The following THSD7A variants were observed in gnomAD, a reference collection of about 807,000 sequenced individuals.
THSD7A encodes thrombospondin type-1 domain-containing protein 7A.
THSD7A carries 96 observed loss-of-function variants against 231.3 expected under a neutral mutation model. That is an observed-to-expected ratio of 0.41 (90% CI 0.35 to 0.49). THSD7A has a LOEUF of 0.49. Ranked by LOEUF, THSD7A falls within the 20% of genes least tolerant of loss-of-function variation. The pLI, the probability that THSD7A is intolerant of heterozygous loss-of-function variation, is 0.05. For missense variants in THSD7A, 2,290 were observed against 2,070.2 expected (o/e 1.11, Z -2.06); for synonymous variants, 940 against 743.3 (o/e 1.26, Z -4.30).
At chr7:11,624,946 A>C (rs1781432108) in intron 2 of THSD7A, among the ~76,000 whole-genome samples, 1 of 152,140 alleles carries the variant, frequency 6.6e-6, no homozygotes, top group Non-Finnish European at 1.5e-5. Flanking sequence ...ATGCCAGAGA[A>C]GTATATTTTT....
intron 1 of THSD7A, among the ~76,000 whole-genome samples, chr7:11,752,246 G>A (rs1414246173): frequency 2.0e-5 from 3 of 151,996 alleles, no homozygotes; most frequent in Non-Finnish European, 4.4e-5. Context: ...TGTTTTCAGG[G>A]TCGAGGAGTT....
chr7:11,616,652 GT>G (rs912363132), intron 2 of THSD7A, among the ~76,000 whole-genome samples: 1 of 152,110 alleles, frequency 6.6e-6, no homozygotes, highest in Non-Finnish European at 1.5e-5. Context: ...TTGGTTCCTT[GT>G]GTTCTCCTGT....
intron 2 of THSD7A, among the ~76,000 whole-genome samples, chr7:11,635,261 A>AT (rs58682174): frequency 3.3e-5 from 5 of 151,990 alleles, no homozygotes; most frequent in African/African-American, 1.2e-4. Flanking sequence ...ATGTTACTAT[A>AT]TTTTTTTCAG....
Position 11,430,637 on chromosome 7 carries a change from CAT to C in THSD7A, c.3065-1514_3065-1513del, listed in dbSNP as rs138122814. On this transcript the variant is annotated intron_variant, in intron 13 of 27. Coordinates refer to ENST00000423059, the MANE Select transcript of THSD7A (RefSeq NM_015204.3). ...CCCACCACCATGCCAGGCGAATTTT[CAT>C]ATATATATATATTTTATAGAGATGA... Among the ~76,000 whole-genome samples the C allele has an allele frequency of 2.8e-3, 423 of 151,080 alleles. 7 individuals carry two copies. The highest frequency in any genetic ancestry group is 0.011 in the South Asian group (53 of 4,766).
At chr7:11,655,452 A>G (rs1782668560) in intron 1 of THSD7A, among the ~76,000 whole-genome samples, 1 of 151,756 alleles carries the variant, frequency 6.6e-6, no homozygotes, top group South Asian at 2.1e-4. Flanking sequence ...TAAGAATTCT[A>G]ATCTAACCCC....
intron 1 of THSD7A, among the ~76,000 whole-genome samples, chr7:11,804,600 T>A (rs890882642): frequency 6.6e-6 from 1 of 152,318 alleles, no homozygotes; most frequent in African/African-American, 2.4e-5. Flanking sequence ...ATGGGTTACA[T>A]TGACCAACCT....
chr7:11,788,402 A>G (rs945618774), intron 1 of THSD7A, among the ~76,000 whole-genome samples: 2 of 151,946 alleles, frequency 1.3e-5, no homozygotes, highest in African/African-American at 4.8e-5. Flanking sequence ...TCCCAGGTTT[A>G]TATTTCTGAG....
chr7:11,677,093 A>G (rs181747206), intron 1 of THSD7A, among the ~76,000 whole-genome samples: 90 of 152,214 alleles, frequency 5.9e-4, no homozygotes, highest in Non-Finnish European at 1.1e-3. Context: ...ACAAGCTAGA[A>G]GAGAGTGGAG....
chr7:11,667,793 T>C (rs112355747), intron 1 of THSD7A, among the ~76,000 whole-genome samples: 2 of 152,134 alleles, frequency 1.3e-5, no homozygotes, highest in Non-Finnish European at 2.9e-5. Context: ...TTAACAAAGC[T>C]GTATAAAGGA....
intron 1 of THSD7A, among the ~76,000 whole-genome samples, chr7:11,828,327 G>A (rs1267345085): frequency 1.3e-5 from 2 of 152,124 alleles, no homozygotes; most frequent in Non-Finnish European, 2.9e-5. Flanking sequence ...AAGCTGCTGT[G>A]CCTTTTCACT....
At chr7:11,799,687 G>T (rs541452469) in intron 1 of THSD7A, among the ~76,000 whole-genome samples, 1 of 152,140 alleles carries the variant, frequency 6.6e-6, no homozygotes, top group South Asian at 2.1e-4. Flanking sequence ...CATATTTTGG[G>T]TTTTTTCTCT....
At chr7:11,390,752 T>C (rs535970919) in intron 23 of THSD7A, among the ~76,000 whole-genome samples, 1 of 152,356 alleles carries the variant, frequency 6.6e-6, no homozygotes, top group African/African-American at 2.4e-5. Context: ...GTGTTTGATT[T>C]TGGTGACCTT....
chr7:11,487,956 G>A (rs1399038614), intron 6 of THSD7A, among the ~76,000 whole-genome samples: 1 of 152,030 alleles, frequency 6.6e-6, no homozygotes, highest in African/African-American at 2.4e-5. Flanking sequence ...ATAGAAATGT[G>A]CAACTTTTAT....
rs1157225096 is a variant in THSD7A, at chr7:11,525,106, T to C, written c.1822+16313A>G. On this transcript the variant is annotated intron_variant, in intron 6 of 27. Coordinates refer to ENST00000423059, the MANE Select transcript of THSD7A (RefSeq NM_015204.3). The stretch of plus-strand genomic sequence containing the variant: ...ACATTTTAAGCCATCAGCAAATCCA[T>C]TTTTAAATGCTTTTATCAAATTAGA... Among the ~76,000 whole-genome samples, 4 of 152,276 alleles carry C rather than the reference T, an allele frequency of 2.6e-5. No homozygotes were observed. The Middle Eastern group carries it at 0.014, about 518-fold the overall frequency.
At position 11,671,645 on chromosome 7, in the gene THSD7A, T is replaced by G. The variant is rs954831124; in HGVS notation, c.191-34684A>C. On this transcript the variant is annotated intron_variant, in intron 1 of 27. Coordinates refer to ENST00000423059, the MANE Select transcript of THSD7A (RefSeq NM_015204.3). ...TTGAGATGTTAGCTTTATTTATAGG[T>G]AGATAGCTAAAAAATATAAAATATA... Among the ~76,000 whole-genome samples, 5 of 152,108 alleles carry G rather than the reference T, an allele frequency of 3.3e-5. No homozygotes were observed. The East Asian group carries it at 7.7e-4, about 23-fold the overall frequency.
intron 1 of THSD7A, among the ~76,000 whole-genome samples, chr7:11,685,487 C>G (rs1417476886): frequency 6.6e-6 from 1 of 151,806 alleles, no homozygotes; most frequent in Admixed American, 6.6e-5. Context: ...TGACAAAGGC[C>G]TAATATCCAG....
chr7:11,568,639 A>G (rs1478905597), intron 4 of THSD7A, among the ~76,000 whole-genome samples: 1 of 141,876 alleles, frequency 7.0e-6, no homozygotes, highest in East Asian at 2.0e-4. Flanking sequence ...AAAAAAAAAA[A>G]AAAAAAAAAA....
chr7:11,492,656 A>G (rs538339741), intron 6 of THSD7A, among the ~76,000 whole-genome samples: 2 of 152,202 alleles, frequency 1.3e-5, no homozygotes, highest in African/African-American at 4.8e-5. Flanking sequence ...AATCTGAACA[A>G]TATTTGGAGA....
chr7:11,526,631 AT>A (rs1788485983), intron 6 of THSD7A, among the ~76,000 whole-genome samples: 1 of 152,204 alleles, frequency 6.6e-6, no homozygotes, highest in South Asian at 2.1e-4. Context: ...GTAACATAGC[AT>A]GTAATGCCTA....
Sources: gnomAD v4.1 joint callset for allele counts (sites outside exome capture counted in the v4.1 genomes callset) on GRCh38, gnomAD v4.1.1 for gene constraint, MANE v1.5 for transcripts, NCBI Gene and HGNC (gene_info 2026-07-23, HGNC 2026-07-21) for gene names.